RHAG: variants seen among roughly 807,000 people sequenced by gnomAD.
The protein encoded by RHAG is Rh associated glycoprotein, also known as ammonium transporter Rh type A.
In RHAG, 25 loss-of-function variants were observed where a neutral mutation model predicts 42.4. The ratio of observed to expected loss-of-function variants is 0.59; its 90% CI spans 0.43 to 0.82. RHAG has a LOEUF of 0.82. RHAG is among the 40% of genes least tolerant of loss of function. The probability of loss-of-function intolerance (pLI) is 0.00; values close to 1 mark genes in which losing one functional copy is unlikely to be tolerated. For synonymous variants in RHAG, 182 were observed against 177.7 expected (o/e 1.02, Z -0.19); for missense variants, 483 against 504.6 (o/e 0.96, Z 0.41).
intron 1 of RHAG, among the ~76,000 whole-genome samples, chr6:49,632,536 C>CT (rs930109299): frequency 6.6e-6 from 1 of 151,998 alleles, no homozygotes; most frequent in African/African-American, 2.4e-5. Flanking sequence ...AACGAATATT[C>CT]TTTTTTATGT....
intron 1 of RHAG, among the ~76,000 whole-genome samples, chr6:49,620,543 G>C (rs919679777): frequency 7.0e-5 from 10 of 143,478 alleles, no homozygotes; most frequent in Admixed American, 4.0e-4. Context: ...CTCTTTTTTT[G>C]GGGGGGGAGA....
chr6:49,608,300 C>G (rs1762508021), intron 7 of RHAG, among the ~76,000 whole-genome samples: 1 of 152,056 alleles, frequency 6.6e-6, no homozygotes, highest in Non-Finnish European at 1.5e-5. Context: ...AGAACATCTC[C>G]TCTGAACATG....
chr6:49,632,486 T>C (rs1293044899), intron 1 of RHAG, among the ~76,000 whole-genome samples: 1 of 152,236 alleles, frequency 6.6e-6, no homozygotes, highest in African/African-American at 2.4e-5. Flanking sequence ...AACTTCCTGA[T>C]ACTTGGCAAG....
At position 49,636,456 on chromosome 6, in the gene RHAG, A is replaced by C. The variant is rs535657285; in HGVS notation, c.157+200T>G. On this transcript the variant is annotated intron_variant, in intron 1 of 9. Transcript: ENST00000371175. ...TTCAGCTTCTTGTTCTGATATTTTA[A>C]TAGGAAAAAGTTCCAACCAAGCACC... Among the ~76,000 whole-genome samples the C allele has an allele frequency of 2.6e-5, 4 of 152,284 alleles. No homozygotes were observed. In the South Asian group the frequency reaches 8.3e-4, roughly 32 times the overall value.
At chr6:49,617,993 C>A in intron 3 of RHAG, 75 bp downstream of exon 3, 1 of 1,353,818 alleles carries the variant, frequency 7.4e-7, no homozygotes, top group Non-Finnish European at 1.0e-6. Context: ...TCCCATATAC[C>A]GTAGACACCC....
chr6:49,618,144 G>T lies in RHAG; in HGVS notation c.416C>A (p.Thr139Asn), dbSNP rs778091087. Residue 139 changes from threonine (T) to asparagine (N), a missense_variant, in exon 3 of 10, where the codon ACC becomes AAC. Physicochemically the swap from Thr to Asn is moderately conservative, Grantham distance 65. Coordinates refer to ENST00000371175, the MANE Select transcript of RHAG (RefSeq NM_000324.3). Reference protein sequence around the residue: ...FGAVLGKTSPTQMLIMTILEI... With the variant: ...FGAVLGKTSPNQMLIMTILEI... ...TAAAATTGTCATGATCAGCATTTGGGTGGGGCTCGTTTTTCCCAGGACAGC... is the reference window on the plus strand; with the variant it reads ...TAAAATTGTCATGATCAGCATTTGGTTGGGGCTCGTTTTTCCCAGGACAGC... The T allele has an allele frequency of 3.1e-6, 5 of 1,614,086 alleles. No individual in the cohort carries two copies. In the Admixed American group the frequency reaches 8.3e-5, roughly 27 times the overall value.
Position 49,619,285 on chromosome 6 carries a change from T to G in RHAG, c.235A>C (p.Ser79Arg). 1 of 1,614,142 alleles carries G rather than the reference T, an allele frequency of 6.2e-7. No individual in the cohort carries two copies. The highest frequency in any genetic ancestry group is 8.5e-7 in the Non-Finnish European group (1 of 1,180,008). Residue 79 changes from serine (S) to arginine (R), a missense_variant, in exon 2 of 10, where the codon AGT becomes CGT. Physicochemically the swap from Ser to Arg is moderately radical, Grantham distance 110. Transcript: ENST00000371175. ...MTFLKKYGFS[S>R]VGINLLVAAL... ...GCAACGAGTAGGTTGATACCCACAC[T>G]GCTGAAGCCATATTTCTTCAGGAAG...
At position 49,611,374 on chromosome 6, in the gene RHAG, ATTG is replaced by A. The variant is rs528641276; in HGVS notation, c.946-232_946-230del. Among the ~76,000 whole-genome samples the A allele has an allele frequency of 1.4e-3, 211 of 152,260 alleles. 1 individual carries two copies. The highest frequency in any genetic ancestry group is 2.4e-3 in the Non-Finnish European group (163 of 68,006). ...TCCAACATCTTACATAGTTACTTTTATTGTTGTTTTTTTGTGTTAAGAGTAGCT... is the reference window on the plus strand; with the variant it reads ...TCCAACATCTTACATAGTTACTTTTATTGTTTTTTTGTGTTAAGAGTAGCT... On this transcript the variant is annotated intron_variant, in intron 6 of 9. Coordinates refer to ENST00000371175, the MANE Select transcript of RHAG (RefSeq NM_000324.3).
At position 49,614,676 on chromosome 6, in the gene RHAG, G is replaced by A. The variant is rs1251265223; in HGVS notation, c.807+11C>T. On this transcript the variant is annotated intron_variant, in intron 5 of 9. Transcript: ENST00000371175. ...AAGCAAAATTTCCATGAGGGCTAAG[G>A]CGGCACTTACCATGTTGAGCTTGCC... 6.2e-7 allele frequency: 1 copy of A among 1,612,982 alleles called. No homozygotes were observed. The highest frequency in any genetic ancestry group is 8.5e-7 in the Non-Finnish European group (1 of 1,179,914).
Position 49,605,640 on chromosome 6 carries a change from A to T in RHAG, c.*173T>A, listed in dbSNP as rs1460113758. The stretch of plus-strand genomic sequence containing the variant: ...ACATAAGGACATTTTTACACTGGCC[A>T]TTTGGGACTTAGGATCTATTCACTC... On this transcript the variant is annotated 3_prime_UTR_variant, in exon 10 of 10. Transcript: ENST00000371175. 1 of 720,754 alleles carries T rather than the reference A, an allele frequency of 1.4e-6. No homozygotes were observed. Among genetic ancestry groups the T allele is most frequent in the African/African-American group, 1.7e-5 (1 of 57,452 alleles). The allele number at this position is 720,754 out of a possible 1,614,324, so 44.6% of individuals were successfully genotyped here.
In RHAG at chr6:49,618,236, T is replaced by C. The variant is rs369702944; in HGVS notation, c.342-18A>G. The C allele has an allele frequency of 3.1e-6, 5 of 1,613,900 alleles. No homozygotes were observed. The highest frequency in any genetic ancestry group is 3.4e-6 in the Non-Finnish European group (4 of 1,179,968). On this transcript the variant is annotated intron_variant, in intron 2 of 9. Transcript: ENST00000371175. ...TTATCATGCTGAAGGGAAACAAGAATAAATTGAAGAGTAATGCACACCCAA... is the reference window on the plus strand; with the variant it reads ...TTATCATGCTGAAGGGAAACAAGAACAAATTGAAGAGTAATGCACACCCAA...
Position 49,619,371 on chromosome 6 carries a change from G to A in RHAG, c.158-9C>T. The A allele has an allele frequency of 6.2e-7, 1 of 1,611,920 alleles. No individual in the cohort carries two copies. The highest frequency in any genetic ancestry group is 8.5e-7 in the Non-Finnish European group (1 of 1,178,710). ...ATGTACATCTTGGAACACTGGAAAAGAGGAAAGGAAAAAATATCTGCATTA... is the reference window on the plus strand; with the variant it reads ...ATGTACATCTTGGAACACTGGAAAAAAGGAAAGGAAAAAATATCTGCATTA... On this transcript the variant is annotated splice_polypyrimidine_tract_variant and intron_variant, in intron 1 of 9. Transcript: ENST00000371175.
intron 1 of RHAG, among the ~76,000 whole-genome samples, chr6:49,624,456 C>T (rs553377957): frequency 5.8e-4 from 89 of 152,280 alleles, no homozygotes; most frequent in Non-Finnish European, 1.1e-3. Flanking sequence ...CCACCAGCCT[C>T]GGCCTCCCAA....
chr6:49,611,023 C>A lies in RHAG; in HGVS notation c.1067+1G>T. The A allele has an allele frequency of 6.2e-7, 1 of 1,613,814 alleles. No homozygotes were observed. The highest frequency in any genetic ancestry group is 8.5e-7 in the Non-Finnish European group (1 of 1,179,790). ...GCTGAAAAACCCATTCTTTTACTCA[C>A]GTGTTGGAGGCGCCCATTGCTACTG... On this transcript the variant is annotated splice_donor_variant, in intron 7 of 9. Coordinates refer to ENST00000371175, the MANE Select transcript of RHAG (RefSeq NM_000324.3). LOFTEE classifies it high-confidence loss of function.
chr6:49,633,972 A>G (rs1219820929), intron 1 of RHAG, among the ~76,000 whole-genome samples: 2 of 151,326 alleles, frequency 1.3e-5, no homozygotes, highest in Admixed American at 1.3e-4. Flanking sequence ...TCTTTTTTTC[A>G]TTTTCTTTTC....
chr6:49,615,250 T>A, intron 4 of RHAG: 1 of 277,720 alleles, frequency 3.6e-6, no homozygotes, highest in South Asian at 4.3e-5. Flanking sequence ...ACGCCCAGCC[T>A]GGAGGATGTA....
intron 1 of RHAG, among the ~76,000 whole-genome samples, chr6:49,629,612 G>A (rs920903122): frequency 2.6e-5 from 4 of 152,122 alleles, no homozygotes; most frequent in South Asian, 2.1e-4. Flanking sequence ...GGCGTTCATC[G>A]GGGAGGCTCG....
intron 1 of RHAG, among the ~76,000 whole-genome samples, chr6:49,623,009 T>G (rs910963830): frequency 6.8e-6 from 1 of 147,012 alleles, no homozygotes; most frequent in Non-Finnish European, 1.5e-5. Flanking sequence ...CTAATTTTTT[T>G]TGTATTTTTA....
chr6:49,629,209 G>C (rs1444301536), intron 1 of RHAG, among the ~76,000 whole-genome samples: 1 of 151,866 alleles, frequency 6.6e-6, no homozygotes, highest in Non-Finnish European at 1.5e-5. Flanking sequence ...GTGCTCATTG[G>C]TGTGTTTACA....
Sources: gnomAD v4.1 joint callset for allele counts (sites outside exome capture counted in the v4.1 genomes callset) on GRCh38, gnomAD v4.1.1 for gene constraint, MANE v1.5 for transcripts, NCBI Gene and HGNC (gene_info 2026-07-23, HGNC 2026-07-21) for gene names.